Variants in GAS7 observed in about 807,000 individuals in gnomAD.
The protein encoded by GAS7 is growth arrest-specific protein 7.
A neutral mutation model predicts 71.1 loss-of-function variants in GAS7; 28 were observed. The ratio of observed to expected loss-of-function variants is 0.39; its 90% CI spans 0.29 to 0.54. GAS7 has a LOEUF of 0.54. GAS7 is among the 20% of genes least tolerant of loss of function. GAS7 has a pLI of 0.62. For synonymous variants in GAS7, 258 were observed against 245.8 expected (o/e 1.05, Z -0.46); for missense variants, 436 against 627.8 (o/e 0.69, Z 3.27).
At chr17:10,081,940 C>G (rs1047272015) in intron 1 of GAS7, among the ~76,000 whole-genome samples, 4 of 152,126 alleles carry the variant, frequency 2.6e-5, no homozygotes, top group African/African-American at 7.2e-5. Flanking sequence ...GGCCGGTACA[C>G]GAGGGGACAG....
Position 9,959,251 on chromosome 17 carries a change from A to T in GAS7, c.476T>A (p.Leu159Gln). 6.2e-7 allele frequency: 1 copy of T among 1,614,090 alleles called. No individual in the cohort carries two copies. The highest frequency in any genetic ancestry group is 8.5e-7 in the Non-Finnish European group (1 of 1,179,928). ...VRKSTGDSQN[L>Q]GSSSPSKKQS... Reference sequence around the variant, plus strand: ...CTTTTTGCTTGGCGATGAGGATCCCAGGTTCTGGGGAGAGAGGCAAGAAAC... The same window carrying T: ...CTTTTTGCTTGGCGATGAGGATCCCTGGTTCTGGGGAGAGAGGCAAGAAAC... The change falls in exon 5 of 14, where the codon CTG (leucine) becomes CAG (glutamine). Residue 159 changes from leucine (L) to glutamine (Q), a missense_variant. Coordinates refer to ENST00000432992, the MANE Select transcript of GAS7 (RefSeq NM_201433.2). The surrounding 1 kb of genome is among the most constrained non-coding windows in gnomAD (Gnocchi z 5.0).
rs995479797 is a variant in GAS7 at position 10,064,657 on chromosome 17, G to A, written c.184-44760C>T. Among the ~76,000 whole-genome samples, 7 of 152,202 alleles carry A rather than the reference G, an allele frequency of 4.6e-5. No homozygotes were observed. In the East Asian group the frequency reaches 7.7e-4, roughly 17 times the overall value. On this transcript the variant is annotated intron_variant, in intron 1 of 13. Coordinates refer to ENST00000432992, the MANE Select transcript of GAS7 (RefSeq NM_201433.2). Reference sequence around the variant, plus strand: ...CTGCTGATGGTCACGCTGACAACTCGCAGAAGTCTCACTGAGAATGGAGCC... The same window carrying A: ...CTGCTGATGGTCACGCTGACAACTCACAGAAGTCTCACTGAGAATGGAGCC...
In GAS7 at chr17:10,046,848, A is replaced by AAGAAAAGAAAAAAGAAAAGAAAAG. The variant is rs1567567297; in HGVS notation, c.184-26952_184-26951insCTTTTCTTTTCTTTTTTCTTTTCT. 3.2e-5 allele frequency among the ~76,000 whole-genome samples: 4 copies of AAGAAAAGAAAAAAGAAAAGAAAAG among 124,246 alleles called. 1 individual carries two copies. Among genetic ancestry groups the AAGAAAAGAAAAAAGAAAAGAAAAG allele is most frequent in the African/African-American group, 1.0e-4 (3 of 29,796 alleles). 81.5% of individuals were successfully genotyped at this position (124,246 alleles called of 152,430 possible). A position where few individuals can be genotyped will look rare whatever the true frequency, so the allele number is the denominator to read the frequency against. On this transcript the variant is annotated intron_variant, in intron 1 of 13. Transcript: ENST00000432992. Reference sequence around the variant, plus strand: ...AGGAAGGAAGGAAGGAAGGAAGGAAAGAAAAGAAAAGAAAAAAGAAAAGAA... The same window carrying AAGAAAAGAAAAAAGAAAAGAAAAG: ...AGGAAGGAAGGAAGGAAGGAAGGAAAAGAAAAGAAAAAAGAAAAGAAAAGGAAAAGAAAAGAAAAAAGAAAAGAA...
At chr17:10,093,466 G>A (rs1236594342) in intron 1 of GAS7, among the ~76,000 whole-genome samples, 2 of 149,946 alleles carry the variant, frequency 1.3e-5, no homozygotes, top group Admixed American at 6.7e-5. Flanking sequence ...CTACTCAGGA[G>A]GCTGAAGCAG....
intron 1 of GAS7, among the ~76,000 whole-genome samples, chr17:10,166,807 T>C (rs934142084): frequency 2.6e-5 from 4 of 152,196 alleles, no homozygotes; most frequent in Admixed American, 6.6e-5. Flanking sequence ...CATAACTGAT[T>C]TAAAAAGACC....
intron 1 of GAS7, among the ~76,000 whole-genome samples, chr17:10,180,453 C>T (rs1351323626): frequency 6.6e-6 from 1 of 152,066 alleles, no homozygotes; most frequent in Admixed American, 6.6e-5. Flanking sequence ...ACGCTCATCA[C>T]CATTGCACCA....
At chr17:10,127,899 C>T (rs894014469) in intron 1 of GAS7, among the ~76,000 whole-genome samples, 1 of 152,238 alleles carries the variant, frequency 6.6e-6, no homozygotes, top group Non-Finnish European at 1.5e-5. Flanking sequence ...AGGACCACCA[C>T]TCGGGCCACA....
At chr17:9,968,864 C>A (rs2069833805) in intron 4 of GAS7, among the ~76,000 whole-genome samples, 1 of 152,190 alleles carries the variant, frequency 6.6e-6, no homozygotes, top group African/African-American at 2.4e-5. Context: ...TTATTGTCAT[C>A]ATTTTCATTA....
intron 2 of GAS7, among the ~76,000 whole-genome samples, chr17:9,982,729 T>C (rs1045273149): frequency 4.6e-5 from 7 of 151,172 alleles, no homozygotes; most frequent in East Asian, 2.0e-4. Context: ...TGAGCCGAGA[T>C]TGTGCCACTG....
At position 9,913,074 on chromosome 17, in the gene GAS7, G is replaced by C. The variant is rs553791386; in HGVS notation, c.*4154C>G. ...GCAGGAGAAGGGAATTTTTTGGAGG[G>C]TTAAAAACAGGTTGATCTTGGTGAT... On this transcript the variant is annotated 3_prime_UTR_variant, in exon 14 of 14. Coordinates refer to ENST00000432992, the MANE Select transcript of GAS7 (RefSeq NM_201433.2). 8.6e-6 allele frequency: 2 copies of C among 232,400 alleles called. No individual in the cohort carries two copies. The highest frequency in any genetic ancestry group is 1.7e-5 in the Non-Finnish European group (2 of 117,536). The allele number at this position is 232,400 out of a possible 1,614,324, so 14.4% of individuals were successfully genotyped here.
chr17:9,970,608 G>C (rs1406186559), intron 3 of GAS7, among the ~76,000 whole-genome samples: 1 of 151,900 alleles, frequency 6.6e-6, no homozygotes, highest in Admixed American at 6.6e-5. Context: ...CTCCAGCCTG[G>C]GCAACAAGAG....
At chr17:10,135,021 CG>C (rs2074027663) in intron 1 of GAS7, among the ~76,000 whole-genome samples, 1 of 151,940 alleles carries the variant, frequency 6.6e-6, no homozygotes, top group Admixed American at 6.6e-5. Context: ...TTAGTAGAGA[CG>C]GGGTTTCACC....
rs564840993 is a variant in GAS7, at chr17:10,047,677, GA to G, written c.184-27781del. ...AAAGAGGAACAGCAAATCATAACAG[GA>G]AAAAAAAAGCAGTTCGAATAAAAAG... On this transcript the variant is annotated intron_variant, in intron 1 of 13. Coordinates refer to ENST00000432992, the MANE Select transcript of GAS7 (RefSeq NM_201433.2). 4.0e-4 allele frequency among the ~76,000 whole-genome samples: 61 copies of G among 150,646 alleles called. No homozygotes were observed. In the South Asian group the frequency reaches 9.2e-3, roughly 23 times the overall value.
intron 7 of GAS7, 53 bp from the exon 8 acceptor site, chr17:9,940,253 G>T: frequency 2.2e-6 from 3 of 1,380,466 alleles, no homozygotes; most frequent in South Asian, 2.3e-5. Flanking sequence ...CAGATCGTGG[G>T]TCTGCCCTGC....
chr17:10,066,419 A>G (rs995260182), intron 1 of GAS7, among the ~76,000 whole-genome samples: 17 of 152,288 alleles, frequency 1.1e-4, no homozygotes, highest in Admixed American at 1.0e-3. Context: ...ACCTCAGGTG[A>G]TCCGCCCGCC....
chr17:10,116,928 G>T (rs1432966075), intron 1 of GAS7, among the ~76,000 whole-genome samples: 1 of 152,106 alleles, frequency 6.6e-6, no homozygotes, highest in African/African-American at 2.4e-5. Flanking sequence ...GGGTGGACCT[G>T]CCAGAGTGAG....
rs555175799 is a variant in GAS7 at position 10,192,403 on chromosome 17, C to T, written c.183+5805G>A. Among the ~76,000 whole-genome samples the T allele has an allele frequency of 3.9e-5, 6 of 152,308 alleles. No homozygotes were observed. The East Asian group carries it at 7.7e-4, about 20-fold the overall frequency. Reference sequence around the variant, plus strand: ...TAATAGTCAAAATACCTTACATGTACACAAGGTTTCCTGGTTTACCAAAAA... The same window carrying T: ...TAATAGTCAAAATACCTTACATGTATACAAGGTTTCCTGGTTTACCAAAAA... On this transcript the variant is annotated intron_variant, in intron 1 of 13. Coordinates refer to ENST00000432992, the MANE Select transcript of GAS7 (RefSeq NM_201433.2).
At chr17:10,032,111 G>GAAAA (rs749716743) in intron 1 of GAS7, among the ~76,000 whole-genome samples, 11 of 74,762 alleles carry the variant, frequency 1.5e-4, no homozygotes, top group Non-Finnish European at 2.2e-4. Flanking sequence ...GGGAACCTCA[G>GAAAA]AAAAAAAAAA....
chr17:9,952,910 A>G (rs1418339600), intron 5 of GAS7, among the ~76,000 whole-genome samples: 1 of 152,168 alleles, frequency 6.6e-6, no homozygotes, highest in East Asian at 1.9e-4. Context: ...AGCATAAATT[A>G]GTTCAACCAT....
Sources: allele counts gnomAD v4.1 joint callset (sites outside exome capture counted in the v4.1 genomes callset), GRCh38; gene constraint gnomAD v4.1.1; non-coding constraint Gnocchi (gnomAD v3.1); transcripts MANE v1.5; gene names NCBI Gene and HGNC (gene_info 2026-07-23, HGNC 2026-07-21).